SLC4A1: variants seen among roughly 807,000 people sequenced by gnomAD.
SLC4A1 encodes the protein band 3 anion transport protein.
In SLC4A1, 29 loss-of-function variants were observed where a neutral mutation model predicts 93.1. The ratio of observed to expected loss-of-function variants is 0.31; its 90% CI spans 0.23 to 0.42. The LOEUF (loss-of-function observed/expected upper bound fraction) is 0.42, where lower values mean the gene tolerates loss of function less well. Among genes scored for constraint, SLC4A1 ranks in the 20% least tolerant of loss-of-function variants. SLC4A1 has a pLI of 1.00. For missense variants in SLC4A1, 965 were observed against 1,190.1 expected (o/e 0.81, Z 2.78); for synonymous variants, 469 against 497.2 (o/e 0.94, Z 0.76).
intron 6 of SLC4A1, 67 bp downstream of exon 6, chr17:44,260,337 T>G: frequency 5.7e-6 from 9 of 1,567,876 alleles, no homozygotes; most frequent in Non-Finnish European, 7.8e-6. Context: ...GGGGAGAACT[T>G]GGGGCAAGTG....
chr17:44,260,391 C>A lies in SLC4A1; in HGVS notation c.485+13G>T, dbSNP rs759243996. The A allele has an allele frequency of 1.2e-6, 2 of 1,609,112 alleles. No individual in the cohort carries two copies. Among genetic ancestry groups the A allele is most frequent in the Non-Finnish European group, 1.7e-6 (2 of 1,178,034 alleles). ...ACTGGATATGGAATCCAGGCCCTGG[C>A]AGGCAGGGGCACCTGTGTTTAAGCA... On this transcript the variant is annotated intron_variant, in intron 6 of 19. Coordinates refer to ENST00000262418, the MANE Select transcript of SLC4A1 (RefSeq NM_000342.4).
At chr17:44,263,589 C>T (rs924743823) in intron 1 of SLC4A1, among the ~76,000 whole-genome samples, 1 of 152,124 alleles carries the variant, frequency 6.6e-6, no homozygotes, top group South Asian at 2.1e-4. Flanking sequence ...CCCCCAATAC[C>T]TCAGACCTTC....
chr17:44,263,709 C>CCTTCCTTT (rs1555597768), intron 1 of SLC4A1, among the ~76,000 whole-genome samples: 46 of 3,986 alleles, frequency 0.012, no homozygotes, highest in African/African-American at 0.017. Flanking sequence ...TCCCTTCCCT[C>CCTTCCTTT]CTTCCTTCCT....
intron 13 of SLC4A1, among the ~76,000 whole-genome samples, chr17:44,256,398 G>A (rs2047389354): frequency 6.6e-6 from 1 of 152,210 alleles, no homozygotes; most frequent in Non-Finnish European, 1.5e-5. Flanking sequence ...GGAAACAAGG[G>A]TCAGGGAAGT....
In SLC4A1 at chr17:44,260,620, G is replaced by C. The variant is rs541501285; in HGVS notation, c.349+15C>G. 445 of 1,614,100 alleles carry C rather than the reference G, an allele frequency of 2.8e-4. 3 individuals carry two copies. The South Asian group carries it at 4.7e-3, about 17-fold the overall frequency. Reference sequence around the variant, plus strand: ...CCTCATCTGCAGGGGGTCCAGAAGGGCCCAGGAGGCTCACCCTTGGTGAAG... The same window carrying C: ...CCTCATCTGCAGGGGGTCCAGAAGGCCCCAGGAGGCTCACCCTTGGTGAAG... On this transcript the variant is annotated intron_variant, in intron 5 of 19. Coordinates refer to ENST00000262418, the MANE Select transcript of SLC4A1 (RefSeq NM_000342.4).
rs2047408625 is a variant in SLC4A1 at position 44,258,255 on chromosome 17, G to T, written c.1088-75C>A. ...AGGGGAAAGGGGACTGGAGGGTGTA[G>T]GGGAGATTGTCTGATGGGAATGGGG... On this transcript the variant is annotated intron_variant, in intron 10 of 19. Transcript: ENST00000262418. The surrounding 1 kb of genome is among the most constrained non-coding windows in gnomAD (Gnocchi z 6.1). The T allele has an allele frequency of 2.0e-6, 3 of 1,495,490 alleles. No individual in the cohort carries two copies. The highest frequency in any genetic ancestry group is 2.8e-6 in the Non-Finnish European group (3 of 1,074,500). 92.6% of individuals were successfully genotyped at this position (1,495,490 alleles called of 1,614,324 possible).
chr17:44,263,707 C>CTCCTTCCTTCCTTCCTTCCTTCCT (rs111483250), intron 1 of SLC4A1, among the ~76,000 whole-genome samples: 252 of 140,404 alleles, frequency 1.8e-3, no homozygotes, highest in African/African-American at 4.2e-3. Flanking sequence ...CCTCCCTTCC[C>CTCCTTCCTTCCTTCCTTCCTTCCT]TCCTTCCTTC....
rs555264155 is a variant in SLC4A1 at position 44,257,254 on chromosome 17, A to G, written c.1626+96T>C. On this transcript the variant is annotated intron_variant, in intron 13 of 19. Transcript: ENST00000262418. The stretch of plus-strand genomic sequence containing the variant: ...TGATCCACCTGCCTCGGCCTCCCAA[A>G]GTTCTGAGATTACAGGCCTGAGCCC... 2.9e-5 allele frequency: 37 copies of G among 1,258,492 alleles called. 1 individual carries two copies. In the Admixed American group the frequency reaches 5.9e-4, roughly 20 times the overall value. 78.0% of individuals were successfully genotyped at this position (1,258,492 alleles called of 1,614,324 possible). A position where few individuals can be genotyped will look rare whatever the true frequency, so the allele number is the denominator to read the frequency against.
In SLC4A1 at chr17:44,257,759, G is replaced by C. The variant is rs754973425; in HGVS notation, c.1331C>G (p.Thr444Ser). 6.2e-7 allele frequency: 1 copy of C among 1,614,072 alleles called. No individual in the cohort carries two copies. The highest frequency in any genetic ancestry group is 1.7e-5 in the Admixed American group (1 of 60,026). Residue 444 changes from threonine (T) to serine (S), a missense_variant, in exon 12 of 20, where the codon ACT (threonine) becomes AGT (serine). Physicochemically the swap from Thr to Ser is moderately conservative, Grantham distance 58. Transcript: ENST00000262418. Reference sequence around the variant, plus strand: ...GGCGAAGAGAATGCCCTGCACTGCAGTGGAGATCAGCAGCTCCGACACTCC... The same window carrying C: ...GGCGAAGAGAATGCCCTGCACTGCACTGGAGATCAGCAGCTCCGACACTCC... ...QMGVSELLISTAVQGILFALL... is the reference protein window; with the variant it reads ...QMGVSELLISSAVQGILFALL...
intron 15 of SLC4A1, 63 bp downstream of exon 15, chr17:44,255,144 G>A: frequency 8.7e-7 from 1 of 1,143,230 alleles, no homozygotes; most frequent in South Asian, 1.3e-5. Context: ...GAAGGGGCAT[G>A]CTGGGGGGTG....
chr17:44,256,559 T>C (rs2047390623), intron 13 of SLC4A1, among the ~76,000 whole-genome samples: 1 of 152,206 alleles, frequency 6.6e-6, no homozygotes, highest in Non-Finnish European at 1.5e-5. Flanking sequence ...CCAAGGTGGC[T>C]GGGCACTCCA....
At chr17:44,254,938 T>C (rs2047375406) in intron 15 of SLC4A1, among the ~76,000 whole-genome samples, 1 of 152,170 alleles carries the variant, frequency 6.6e-6, no homozygotes, top group Non-Finnish European at 1.5e-5. Flanking sequence ...GATTCATGCC[T>C]AGATCTGCCT....
At chr17:44,261,305 G>A (rs528952650) in intron 4 of SLC4A1, among the ~76,000 whole-genome samples, 1 of 152,244 alleles carries the variant, frequency 6.6e-6, no homozygotes, top group East Asian at 1.9e-4. Context: ...CCCCAGTGAC[G>A]CCCGACAGCC....
intron 1 of SLC4A1, among the ~76,000 whole-genome samples, chr17:44,264,450 T>C (rs768599844): frequency 2.0e-5 from 3 of 152,150 alleles, no homozygotes; most frequent in African/African-American, 7.2e-5. Context: ...AGAGTGAGAC[T>C]CTTTAGAAGG....
At chr17:44,266,613 G>C (rs2047497787) in intron 1 of SLC4A1, among the ~76,000 whole-genome samples, 1 of 152,198 alleles carries the variant, frequency 6.6e-6, no homozygotes, top group African/African-American at 2.4e-5. Flanking sequence ...GGGGAAAACA[G>C]AGGTGCCTTG....
chr17:44,258,679 G>C lies in SLC4A1; in HGVS notation c.877-56C>G. 6 of 1,522,748 alleles carry C rather than the reference G, an allele frequency of 3.9e-6. No homozygotes were observed. In the South Asian group the frequency reaches 7.2e-5, roughly 18 times the overall value. The allele number at this position is 1,522,748 out of a possible 1,614,324, so 94.3% of individuals were successfully genotyped here. ...CGGACCTGCGGAGGGAAAGGACCCA[G>C]GAGTCCACAGCCAGGGCCTCCAGGA... On this transcript the variant is annotated intron_variant, in intron 9 of 19. Coordinates refer to ENST00000262418, the MANE Select transcript of SLC4A1 (RefSeq NM_000342.4). The surrounding 1 kb of genome is among the most constrained non-coding windows in gnomAD (Gnocchi z 6.1).
intron 3 of SLC4A1, chr17:44,262,048 C>G: frequency 8.6e-7 from 1 of 1,161,512 alleles, no homozygotes; most frequent in Non-Finnish European, 1.1e-6. Flanking sequence ...AGCCCGTCAG[C>G]ACAGTGTCTC....
chr17:44,265,569 C>G (rs997509216), intron 1 of SLC4A1, among the ~76,000 whole-genome samples: 1 of 152,024 alleles, frequency 6.6e-6, no homozygotes, highest in Non-Finnish European at 1.5e-5. Context: ...GACGGGGTTT[C>G]ACTGTGTTAG....
Position 44,251,560 on chromosome 17 carries a change from C to T in SLC4A1, c.2340G>A (p.Leu780=), listed in dbSNP as rs139912334. 1.3e-4 allele frequency: 202 copies of T among 1,614,068 alleles called. No homozygotes were observed. In the African/African-American group the frequency reaches 2.1e-3, roughly 16 times the overall value. Residue 780 remains leucine, a synonymous_variant, in exon 18 of 20, where the codon CTG becomes CTA. Coordinates refer to ENST00000262418, the MANE Select transcript of SLC4A1 (RefSeq NM_000342.4). ...VGLSILMEPI[L]SRIPLAVLFG... ...ACAGTACAGCCAGGGGGATGCGGGA[C>T]AGGATGGGCTCCATGAGGATGGACA...
Sources: allele counts gnomAD v4.1 joint callset (sites outside exome capture counted in the v4.1 genomes callset), GRCh38; gene constraint gnomAD v4.1.1; non-coding constraint Gnocchi (gnomAD v3.1); transcripts MANE v1.5; gene names NCBI Gene and HGNC (gene_info 2026-07-23, HGNC 2026-07-21).